Variants in PREX2 observed in about 807,000 individuals in gnomAD.
The protein encoded by PREX2 is phosphatidylinositol 3,4,5-trisphosphate-dependent Rac exchanger 2 protein.
PREX2 carries 107 observed loss-of-function variants against 203.2 expected under a neutral mutation model. The ratio of observed to expected loss-of-function variants is 0.53; its 90% CI spans 0.45 to 0.62. The LOEUF (loss-of-function observed/expected upper bound fraction) is 0.62, where lower values mean the gene tolerates loss of function less well. PREX2 is among the 20% of genes least tolerant of loss of function. The pLI, the probability that PREX2 is intolerant of heterozygous loss-of-function variation, is 0.00. For missense variants in PREX2, 1,777 were observed against 1,955.9 expected (o/e 0.91, Z 1.72); for synonymous variants, 672 against 663.6 (o/e 1.01, Z -0.19).
chr8:68,157,058 A>G (rs1030688381), intron 34 of PREX2, among the ~76,000 whole-genome samples: 1 of 152,200 alleles, frequency 6.6e-6, no homozygotes, highest in African/African-American at 2.4e-5. Flanking sequence ...GGCTCCCACA[A>G]CATATACAAA....
At chr8:68,044,114 A>G (rs1808273225) in intron 7 of PREX2, among the ~76,000 whole-genome samples, 2 of 152,116 alleles carry the variant, frequency 1.3e-5, no homozygotes, top group Admixed American at 6.6e-5. Flanking sequence ...TTACTGAAAA[A>G]TGAGTCATGA....
At chr8:67,965,765 T>C (rs1307095111) in intron 1 of PREX2, among the ~76,000 whole-genome samples, 1 of 152,174 alleles carries the variant, frequency 6.6e-6, no homozygotes, top group African/African-American at 2.4e-5. Context: ...GAATGAAGTT[T>C]GGTAAATGGG....
At chr8:68,180,667 A>G (rs1438354569) in intron 35 of PREX2, among the ~76,000 whole-genome samples, 2 of 152,132 alleles carry the variant, frequency 1.3e-5, no homozygotes, top group East Asian at 3.9e-4. Context: ...CAAAGTCAAA[A>G]GGGCAAGGGA....
At chr8:68,100,927 T>C (rs76325222) in intron 23 of PREX2, among the ~76,000 whole-genome samples, 3,591 of 152,178 alleles carry the variant, frequency 0.024, 124 homozygotes, top group African/African-American at 0.073. Flanking sequence ...TTGGACTACA[T>C]TGAAGATGAA....
At chr8:68,193,409 C>T (rs940756137) in intron 37 of PREX2, among the ~76,000 whole-genome samples, 4 of 152,214 alleles carry the variant, frequency 2.6e-5, no homozygotes, top group Non-Finnish European at 2.9e-5. Flanking sequence ...GTTTGCTGCA[C>T]CCATCAACCC....
At chr8:67,960,230 CG>C (rs1805597878) in intron 1 of PREX2, among the ~76,000 whole-genome samples, 1 of 152,024 alleles carries the variant, frequency 6.6e-6, no homozygotes, top group Admixed American at 6.5e-5. Flanking sequence ...TTAGTAGAGA[CG>C]GGGTTTCACC....
intron 32 of PREX2, among the ~76,000 whole-genome samples, chr8:68,135,099 TTGTGTGTGTG>T (rs9298129): frequency 6.7e-6 from 1 of 148,790 alleles, no homozygotes; most frequent in Non-Finnish European, 1.5e-5. Context: ...AAAACAAATT[TTGTGTGTGTG>T]TGTGTGTGTG....
chr8:67,975,908 G>T (rs1470114523), intron 1 of PREX2, among the ~76,000 whole-genome samples: 1 of 149,444 alleles, frequency 6.7e-6, no homozygotes, highest in Non-Finnish European at 1.5e-5. Context: ...TAGAGACGGG[G>T]TTTCACCATG....
intron 34 of PREX2, among the ~76,000 whole-genome samples, chr8:68,155,364 C>T (rs1811523348): frequency 6.6e-6 from 1 of 152,084 alleles, no homozygotes; most frequent in Non-Finnish European, 1.5e-5. Flanking sequence ...TCCACAATTG[C>T]TTTTCTCAAG....
At chr8:68,193,480 CT>C (rs1308200250) in intron 37 of PREX2, among the ~76,000 whole-genome samples, 2 of 152,140 alleles carry the variant, frequency 1.3e-5, no homozygotes, top group African/African-American at 4.8e-5. Flanking sequence ...TTCAAATTTA[CT>C]TGGCACTGAA....
intron 1 of PREX2, among the ~76,000 whole-genome samples, chr8:68,009,133 G>A (rs1286104682): frequency 6.6e-6 from 1 of 152,002 alleles, no homozygotes; most frequent in African/African-American, 2.4e-5. Context: ...TTCAGGTTGG[G>A]ATCTTCATTC....
Position 68,069,887 on chromosome 8 carries a change from G to A in PREX2, c.1493+3G>A, listed in dbSNP as rs1057021581. On this transcript the variant is annotated splice_donor_region_variant and intron_variant, in intron 13 of 39. Transcript: ENST00000288368. ...AGCCTTTTTACTCCAGTGATAAGGT[G>A]AGTCTGGTTTTTAAGTTCTGGGAAA... 15 of 1,522,766 alleles carry A rather than the reference G, an allele frequency of 9.9e-6. No individual in the cohort carries two copies. The highest frequency in any genetic ancestry group is 1.4e-5 in the Non-Finnish European group (15 of 1,110,238). 94.3% of individuals were successfully genotyped at this position (1,522,766 alleles called of 1,614,324 possible).
At chr8:68,210,826 A>G (rs1812729149) in intron 37 of PREX2, among the ~76,000 whole-genome samples, 1 of 152,190 alleles carries the variant, frequency 6.6e-6, no homozygotes, top group Non-Finnish European at 1.5e-5. Flanking sequence ...CTTCCATCTA[A>G]TTTATTATAG....
In PREX2 at chr8:67,981,772, A is replaced by G. The variant is rs577755560; in HGVS notation, c.141+29237A>G. Among the ~76,000 whole-genome samples the G allele has an allele frequency of 5.9e-5, 9 of 152,308 alleles. No homozygotes were observed. In the South Asian group the frequency reaches 1.9e-3, roughly 32 times the overall value. ...ATATTAATCAGGCAGCCTGAGCTGC[A>G]TGCACTTAGGAGCTCTGAAGCCAGT... On this transcript the variant is annotated intron_variant, in intron 1 of 39. Coordinates refer to ENST00000288368, the MANE Select transcript of PREX2 (RefSeq NM_024870.4).
At chr8:68,061,509 G>A (rs989328995) in intron 11 of PREX2, among the ~76,000 whole-genome samples, 3 of 152,176 alleles carry the variant, frequency 2.0e-5, no homozygotes, top group Admixed American at 6.5e-5. Context: ...CAGGAGTGGC[G>A]GGACAAGGTC....
intron 34 of PREX2, among the ~76,000 whole-genome samples, chr8:68,153,562 C>T (rs1179154928): frequency 6.6e-6 from 1 of 151,948 alleles, no homozygotes; most frequent in Non-Finnish European, 1.5e-5. Context: ...TGGATGAGAA[C>T]TAAGGAAATT....
At chr8:68,140,861 A>G (rs998882365) in intron 33 of PREX2, among the ~76,000 whole-genome samples, 2 of 152,232 alleles carry the variant, frequency 1.3e-5, no homozygotes, top group Non-Finnish European at 1.5e-5. Context: ...TATTTATAGC[A>G]TCGCCTATAA....
In PREX2 at chr8:68,080,521, TG is replaced by T. The variant is rs760834526; in HGVS notation, c.1722del (p.Met574IlefsTer6). The T allele has an allele frequency of 6.2e-7, 1 of 1,611,860 alleles. No homozygotes were observed. Among genetic ancestry groups the T allele is most frequent in the Non-Finnish European group, 8.5e-7 (1 of 1,178,310 alleles). ...GATGAGGAAATGGAGGGATCAAATA[TG>T]AAACATCGACTTATGAAACATGACT... is the stretch of plus-strand genomic sequence containing the variant. ...FSDEEMEGSNMKHRLMKHDLK... is the reference protein window; with the variant it reads ...FSDEEMEGSNXKHRLMKHDLK... On this transcript the variant is annotated frameshift_variant, in exon 16 of 40. Transcript: ENST00000288368. LOFTEE classifies it high-confidence loss of function.
At chr8:68,018,655 T>TTCTGA (rs1807477649) in intron 2 of PREX2, among the ~76,000 whole-genome samples, 2 of 151,998 alleles carry the variant, frequency 1.3e-5, no homozygotes, top group African/African-American at 4.8e-5. Context: ...CTCCACATAA[T>TTCTGA]ATCCTTAATT....
Sources: allele counts gnomAD v4.1 joint callset (sites outside exome capture counted in the v4.1 genomes callset), GRCh38; gene constraint gnomAD v4.1.1; transcripts MANE v1.5; gene names NCBI Gene and HGNC (gene_info 2026-07-23, HGNC 2026-07-21).